Variants in FOLH1 observed in about 807,000 individuals in gnomAD.
FOLH1 encodes the protein folate hydrolase 1.
In FOLH1, 54 loss-of-function variants were observed where a neutral mutation model predicts 93.9. That is an observed-to-expected ratio of 0.57 (90% CI 0.46 to 0.72). FOLH1 has a LOEUF of 0.72. Ranked by LOEUF, FOLH1 falls within the 30% of genes least tolerant of loss-of-function variation. FOLH1 has a pLI of 0.00. For missense variants in FOLH1, 571 were observed against 892.5 expected, an observed-to-expected ratio of 0.64 and a Z score of 4.59; for synonymous variants, 249 against 303.6, an observed-to-expected ratio of 0.82 and a Z score of 1.87.
chr11:49,182,055 G>A lies in FOLH1; in HGVS notation c.920+1094C>T, dbSNP rs536771515. ...CTCTAAAGAATAATGGTGGCTGGGC[G>A]CAGTGCCTCATGCCTGTAATCTCAG... On this transcript the variant is annotated intron_variant, in intron 7 of 18. Coordinates refer to ENST00000256999, the MANE Select transcript of FOLH1 (RefSeq NM_004476.3). 6.6e-5 allele frequency among the ~76,000 whole-genome samples: 10 copies of A among 152,240 alleles called. No individual in the cohort carries two copies. In the South Asian group the frequency reaches 1.5e-3, roughly 22 times the overall value.
At position 49,148,740 on chromosome 11, in the gene FOLH1, GAA is replaced by G. The variant is rs771539010; in HGVS notation, c.1971-11_1971-10del. The G allele has an allele frequency of 6.5e-7, 1 of 1,548,692 alleles. No homozygotes were observed. The highest frequency in any genetic ancestry group is 1.4e-5 in the African/African-American group (1 of 71,694). On this transcript the variant is annotated splice_polypyrimidine_tract_variant and intron_variant, in intron 17 of 18. Coordinates refer to ENST00000256999, the MANE Select transcript of FOLH1 (RefSeq NM_004476.3). ...TTCTTAATACTATTGGGCTGAGAAA[GAA>G]AATGAATATAATTATAACTTCATGA...
At position 49,185,721 on chromosome 11, in the gene FOLH1, G is replaced by A. The variant is rs770409404; in HGVS notation, c.774C>T (p.Ile258=). The change falls in exon 6 of 19, where the codon ATC becomes ATT. Residue 258 remains isoleucine (I), a synonymous_variant. Coordinates refer to ENST00000256999, the MANE Select transcript of FOLH1 (RefSeq NM_004476.3). ...GGTCTCCTGCACCATTCAGATTTAG[G>A]ATATTTCCACGCTGGACACCACCTC... ...LPGGGVQRGN[I]LNLNGAGDPL... is the part of the protein sequence containing the mutation. 3.1e-6 allele frequency: 5 copies of A among 1,613,554 alleles called. No homozygotes were observed. Among genetic ancestry groups the A allele is most frequent in the Non-Finnish European group, 8.5e-7 (1 of 1,179,802 alleles).
chr11:49,177,266 T>G (rs1239847532), intron 7 of FOLH1, among the ~76,000 whole-genome samples: 2 of 152,202 alleles, frequency 1.3e-5, no homozygotes, highest in Non-Finnish European at 2.9e-5. Flanking sequence ...GAATTTCAAG[T>G]AATGTATTAT....
rs1237311709 is a variant in FOLH1 at position 49,146,232 on chromosome 11, T to C, written c.*524A>G. ...ATATTTTATACTATAGCCTTTTATATAAATAAAAAATAATTATTTCTTATG... is the reference window on the plus strand; with the variant it reads ...ATATTTTATACTATAGCCTTTTATACAAATAAAAAATAATTATTTCTTATG... On this transcript the variant is annotated 3_prime_UTR_variant, in exon 19 of 19. Coordinates refer to ENST00000256999, the MANE Select transcript of FOLH1 (RefSeq NM_004476.3). 6.6e-6 allele frequency among the ~76,000 whole-genome samples: 1 copy of C among 152,216 alleles called. No homozygotes were observed. Among genetic ancestry groups the C allele is most frequent in the African/African-American group, 2.4e-5 (1 of 41,468 alleles).
At chr11:49,182,864 A>G (rs1405796174) in intron 7 of FOLH1, among the ~76,000 whole-genome samples, 1 of 152,062 alleles carries the variant, frequency 6.6e-6, no homozygotes, top group African/African-American at 2.4e-5. Flanking sequence ...TCTTGACAAA[A>G]ATATAGTGGG....
chr11:49,196,285 A>G (rs1862608464), intron 3 of FOLH1, among the ~76,000 whole-genome samples: 1 of 152,252 alleles, frequency 6.6e-6, no homozygotes. Context: ...AAAAATTGTT[A>G]TATGACGTAA....
chr11:49,178,050 A>G (rs1053631478), intron 7 of FOLH1, among the ~76,000 whole-genome samples: 14 of 152,114 alleles, frequency 9.2e-5, no homozygotes, highest in African/African-American at 3.4e-4. Context: ...TTTTGTTATC[A>G]CATGCACAGT....
chr11:49,165,111 G>A (rs2135012860), intron 12 of FOLH1, among the ~76,000 whole-genome samples: 1 of 152,276 alleles, frequency 6.6e-6, no homozygotes, highest in South Asian at 2.1e-4. Flanking sequence ...CTAATGTCAT[G>A]TTTTTCTGAG....
chr11:49,192,721 A>T (rs1177988389), intron 4 of FOLH1, 72 bp downstream of exon 4: 1 of 1,344,334 alleles, frequency 7.4e-7, no homozygotes, highest in Non-Finnish European at 1.0e-6. Flanking sequence ...TGACCCTTTA[A>T]TTATCGGCTG....
At chr11:49,166,614 A>G (rs1174149889) in intron 12 of FOLH1, among the ~76,000 whole-genome samples, 5 of 152,212 alleles carry the variant, frequency 3.3e-5, no homozygotes, top group Non-Finnish European at 7.3e-5. Flanking sequence ...GTTTGAGAGT[A>G]GTTTGCATTG....
At chr11:49,178,852 C>T (rs1193507765) in intron 7 of FOLH1, among the ~76,000 whole-genome samples, 2 of 152,116 alleles carry the variant, frequency 1.3e-5, no homozygotes, top group African/African-American at 4.8e-5. Flanking sequence ...TATCTTGTAG[C>T]ATATTAATTT....
chr11:49,179,545 G>A (rs1860486437), intron 7 of FOLH1, among the ~76,000 whole-genome samples: 1 of 152,116 alleles, frequency 6.6e-6, no homozygotes, highest in Admixed American at 6.5e-5. Flanking sequence ...ATTTAAAAAT[G>A]CTTTGAGATG....
intron 12 of FOLH1, 128 bp downstream of exon 12, chr11:49,169,067 T>G: frequency 1.0e-6 from 1 of 994,216 alleles, no homozygotes; most frequent in Non-Finnish European, 1.5e-6. Context: ...CTGCTTCCTG[T>G]CAGAGGTTGC....
intron 4 of FOLH1, among the ~76,000 whole-genome samples, chr11:49,187,043 C>G (rs958372821): frequency 1.5e-4 from 23 of 150,674 alleles, no homozygotes; most frequent in African/African-American, 5.1e-4. Context: ...GCACCCCCCC[C>G]ACACACACAC....
chr11:49,177,772 A>T (rs1860242831), intron 7 of FOLH1, among the ~76,000 whole-genome samples: 1 of 126,562 alleles, frequency 7.9e-6, no homozygotes, highest in Non-Finnish European at 1.6e-5. Flanking sequence ...ACATGGAGAA[A>T]CCCCGTCTCT....
rs1272723877 is a variant in FOLH1, at chr11:49,148,827, G to A, written c.1971-96C>T. ...AACAAAACTGAATTTAGTTATCTCC[G>A]GGGATTGGTTTCAGGACCACCCTCT... On this transcript the variant is annotated intron_variant, in intron 17 of 18. Transcript: ENST00000256999. The A allele has an allele frequency of 2.9e-5, 32 of 1,103,338 alleles. No individual in the cohort carries two copies. In the South Asian group the frequency reaches 3.8e-4, roughly 13 times the overall value. 68.3% of individuals were successfully genotyped at this position (1,103,338 alleles called of 1,614,324 possible).
At chr11:49,170,862 TA>T (rs1367876782) in intron 11 of FOLH1, among the ~76,000 whole-genome samples, 1 of 152,228 alleles carries the variant, frequency 6.6e-6, no homozygotes, top group African/African-American at 2.4e-5. Flanking sequence ...TTTTGAAGAA[TA>T]AACTACAATA....
At chr11:49,182,174 C>G (rs1860823098) in intron 7 of FOLH1, among the ~76,000 whole-genome samples, 2 of 151,596 alleles carry the variant, frequency 1.3e-5, no homozygotes, top group Non-Finnish European at 2.9e-5. Context: ...ACTAAAAATA[C>G]AAAAATCAGC....
At chr11:49,153,032 T>C (rs1013400272) in intron 17 of FOLH1, among the ~76,000 whole-genome samples, 2 of 152,152 alleles carry the variant, frequency 1.3e-5, no homozygotes, top group African/African-American at 4.8e-5. Flanking sequence ...ACCAAGCCTA[T>C]TTCTACATCA....
Sources: gnomAD v4.1 joint callset for allele counts (sites outside exome capture counted in the v4.1 genomes callset) on GRCh38, gnomAD v4.1.1 for gene constraint, MANE v1.5 for transcripts, NCBI Gene and HGNC (gene_info 2026-07-23, HGNC 2026-07-21) for gene names.